CDK19: variants seen among roughly 807,000 people sequenced by gnomAD.
CDK19 encodes cyclin dependent kinase 19.
In CDK19, 20 loss-of-function variants were observed where a neutral mutation model predicts 68.3. The observed-to-expected ratio is 0.29, with a 90% CI of 0.21 to 0.43. The LOEUF is 0.43. Among genes scored for constraint, CDK19 ranks in the 20% least tolerant of loss-of-function variants. CDK19 has a pLI of 1.00. For missense variants in CDK19, 339 were observed against 623.5 expected (o/e 0.54, Z 4.86); for synonymous variants, 221 against 222.8 (o/e 0.99, Z 0.07).
intron 4 of CDK19, among the ~76,000 whole-genome samples, chr6:110,652,035 T>C (rs931061363): frequency 4.6e-5 from 7 of 151,644 alleles, no homozygotes; most frequent in South Asian, 2.1e-4. Context: ...GATCACGCCA[T>C]TGCACTCCAG....
At chr6:110,759,115 T>C (rs1423018290) in intron 1 of CDK19, among the ~76,000 whole-genome samples, 1 of 151,368 alleles carries the variant, frequency 6.6e-6, no homozygotes, top group African/African-American at 2.4e-5. Flanking sequence ...TAAAAAAATA[T>C]TTTGGCCAGG....
chr6:110,746,096 A>G, intron 2 of CDK19, 30 bp downstream of exon 2: 1 of 1,212,636 alleles, frequency 8.2e-7, no homozygotes, highest in Non-Finnish European at 1.2e-6. Flanking sequence ...ATCAATAATA[A>G]AATAAATAAC....
intron 1 of CDK19, among the ~76,000 whole-genome samples, chr6:110,752,091 A>G (rs2114908623): frequency 6.6e-6 from 1 of 152,286 alleles, no homozygotes; most frequent in African/African-American, 2.4e-5. Flanking sequence ...TCATATGGGT[A>G]TCATTCTGAA....
intron 2 of CDK19, among the ~76,000 whole-genome samples, chr6:110,735,988 A>G (rs1777224217): frequency 6.6e-6 from 1 of 152,222 alleles, no homozygotes; most frequent in Non-Finnish European, 1.5e-5. Context: ...GCTGCACGGC[A>G]TACTCCCTCA....
chr6:110,769,193 A>C (rs1455154678), intron 1 of CDK19, among the ~76,000 whole-genome samples: 2 of 150,630 alleles, frequency 1.3e-5, no homozygotes, highest in Non-Finnish European at 3.0e-5. Flanking sequence ...GTAAACTATG[A>C]ACTTTAGTTA....
chr6:110,617,544 G>A (rs574008933), intron 12 of CDK19, among the ~76,000 whole-genome samples: 3 of 151,858 alleles, frequency 2.0e-5, no homozygotes, highest in Admixed American at 1.3e-4. Context: ...AACACTTTAG[G>A]AGGCCAAGGA....
intron 2 of CDK19, among the ~76,000 whole-genome samples, chr6:110,732,422 G>C (rs1776833229): frequency 6.6e-6 from 1 of 152,104 alleles, no homozygotes. Context: ...AGAAGCACAA[G>C]AATCGCTTGA....
chr6:110,807,814 CTTTTT>C lies in CDK19; in HGVS notation c.128+7190_128+7194del, dbSNP rs61710346. Among the ~76,000 whole-genome samples the C allele has an allele frequency of 1.0e-4, 15 of 144,098 alleles. 1 individual carries two copies. Among genetic ancestry groups the C allele is most frequent in the African/African-American group, 3.8e-4 (15 of 39,368 alleles). The allele number at this position is 144,098 out of a possible 152,430, so 94.5% of individuals were successfully genotyped here. On this transcript the variant is annotated intron_variant, in intron 1 of 12. Transcript: ENST00000368911. ...ATTTACAAACTTTTTTTTATAATACCTTTTTTTTTTTTTAAGAGAGTCTCGTTCTG... is the reference window on the plus strand; with the variant it reads ...ATTTACAAACTTTTTTTTATAATACCTTTTTTTTAAGAGAGTCTCGTTCTG...
At chr6:110,630,171 TTGG>T (rs1779353419) in intron 6 of CDK19, among the ~76,000 whole-genome samples, 1 of 152,146 alleles carries the variant, frequency 6.6e-6, no homozygotes, top group African/African-American at 2.4e-5. Flanking sequence ...GGGACAGACA[TTGG>T]TGGGAAGTCA....
intron 8 of CDK19, among the ~76,000 whole-genome samples, chr6:110,623,920 T>G (rs1400077116): frequency 6.8e-6 from 1 of 147,714 alleles, no homozygotes; most frequent in Non-Finnish European, 1.5e-5. Flanking sequence ...CGTATATATA[T>G]ATACGTGTAT....
intron 2 of CDK19, among the ~76,000 whole-genome samples, chr6:110,729,779 G>A (rs767643237): frequency 1.3e-5 from 2 of 151,738 alleles, no homozygotes; most frequent in Non-Finnish European, 2.9e-5. Context: ...TGTTGCCCAG[G>A]CTAGAGTGCA....
At chr6:110,704,681 T>C (rs1373685547) in intron 2 of CDK19, among the ~76,000 whole-genome samples, 2 of 152,242 alleles carry the variant, frequency 1.3e-5, no homozygotes, top group African/African-American at 4.8e-5. Context: ...CAAATCTTTT[T>C]AGTTATCTTT....
At chr6:110,767,795 A>C (rs964461751) in intron 1 of CDK19, among the ~76,000 whole-genome samples, 7 of 152,198 alleles carry the variant, frequency 4.6e-5, no homozygotes, top group South Asian at 2.1e-4. Flanking sequence ...TAAATATGTA[A>C]AATCATTATA....
At chr6:110,748,504 A>C (rs930976047) in intron 1 of CDK19, among the ~76,000 whole-genome samples, 4 of 152,368 alleles carry the variant, frequency 2.6e-5, no homozygotes, top group Admixed American at 1.3e-4. Flanking sequence ...TTGAGAATGA[A>C]AGAAAGTACA....
intron 4 of CDK19, 119 bp downstream of exon 4, chr6:110,667,315 A>T (rs1261231457): frequency 1.6e-6 from 1 of 623,136 alleles, no homozygotes; most frequent in Non-Finnish European, 2.6e-6. Context: ...TTTTTTGCTT[A>T]TGTATATTTT....
chr6:110,767,039 C>T (rs956857797), intron 1 of CDK19, among the ~76,000 whole-genome samples: 2 of 151,612 alleles, frequency 1.3e-5, no homozygotes, highest in Non-Finnish European at 2.9e-5. Flanking sequence ...GAGGCTGAGA[C>T]AAGAGAATCA....
intron 2 of CDK19, among the ~76,000 whole-genome samples, chr6:110,699,424 CAAA>C (rs34728164): frequency 5.3e-5 from 5 of 93,738 alleles, no homozygotes; most frequent in Admixed American, 1.2e-4. Context: ...GACTTCGTCT[CAAA>C]AAAAAAAAAA....
chr6:110,695,188 T>C (rs1322479017), intron 2 of CDK19, among the ~76,000 whole-genome samples: 1 of 152,068 alleles, frequency 6.6e-6, no homozygotes, highest in Non-Finnish European at 1.5e-5. Context: ...AATTGGAAAT[T>C]AATTCCAAAA....
intron 2 of CDK19, among the ~76,000 whole-genome samples, chr6:110,742,842 T>C (rs1402840415): frequency 2.0e-5 from 3 of 152,300 alleles, no homozygotes; most frequent in South Asian, 2.1e-4. Context: ...CAGCGGGACA[T>C]AGACCCTCAT....
Sources: allele counts gnomAD v4.1 joint callset (sites outside exome capture counted in the v4.1 genomes callset), GRCh38; gene constraint gnomAD v4.1.1; transcripts MANE v1.5; gene names NCBI Gene and HGNC (gene_info 2026-07-23, HGNC 2026-07-21).